The following UBP1 variants were observed in gnomAD, a reference collection of about 807,000 sequenced individuals.
The protein encoded by UBP1 is upstream-binding protein 1.
A neutral mutation model predicts 76.1 loss-of-function variants in UBP1; 22 were observed. The observed-to-expected ratio is 0.29, with a 90% CI of 0.21 to 0.41. The LOEUF is 0.41. Among genes scored for constraint, UBP1 ranks in the 10% least tolerant of loss-of-function variants. UBP1 has a pLI of 1.00. For missense variants in UBP1, 436 were observed against 668.1 expected (o/e 0.65, Z 3.83); for synonymous variants, 224 against 237.1 (o/e 0.94, Z 0.51).
intron 8 of UBP1, 76 bp downstream of exon 8, chr3:33,408,614 G>T: frequency 8.2e-7 from 1 of 1,213,878 alleles, no homozygotes; most frequent in Non-Finnish European, 1.1e-6. Flanking sequence ...GCTTTACTTT[G>T]CGGTGGAAGT....
chr3:33,389,397 C>T lies in UBP1; in HGVS notation c.*934G>A, dbSNP rs2043663556. On this transcript the variant is annotated 3_prime_UTR_variant, in exon 16 of 16. Transcript: ENST00000283629. ...TAGTCAGAAGCTATCAACAATAATACTTTCTCCCCCTACTTGGGTCACCTA... is the reference window on the plus strand; with the variant it reads ...TAGTCAGAAGCTATCAACAATAATATTTTCTCCCCCTACTTGGGTCACCTA... The T allele has an allele frequency of 7.6e-6, 1 of 132,400 alleles. No individual in the cohort carries two copies. The highest frequency in any genetic ancestry group is 2.8e-5 in the African/African-American group (1 of 35,096). The allele number at this position is 132,400 out of a possible 1,614,324, so 8.2% of individuals were successfully genotyped here. A position where few individuals can be genotyped will look rare whatever the true frequency, so the allele number is the denominator to read the frequency against.
intron 1 of UBP1, among the ~76,000 whole-genome samples, chr3:33,430,793 G>A (rs1015773689): frequency 3.3e-5 from 5 of 152,086 alleles, no homozygotes; most frequent in Admixed American, 6.6e-5. Context: ...CATGCCTCCA[G>A]CAACAAGCCC....
intron 14 of UBP1, 149 bp downstream of exon 14, chr3:33,393,163 A>ATAAG: frequency 1.1e-6 from 1 of 893,594 alleles, no homozygotes. Flanking sequence ...ACTCTTGGTT[A>ATAAG]TAAGTTCTTC....
intron 4 of UBP1, among the ~76,000 whole-genome samples, chr3:33,412,362 T>TATAC (rs1423180623): frequency 6.6e-6 from 1 of 151,926 alleles, no homozygotes; most frequent in South Asian, 2.1e-4. Flanking sequence ...AAATAATGTA[T>TATAC]ATACATACAT....
In UBP1 at chr3:33,439,908, G is replaced by C. The variant is rs2272153; in HGVS notation, c.-60C>G. On this transcript the variant is annotated 5_prime_UTR_variant, in exon 1 of 16. Coordinates refer to ENST00000283629, the MANE Select transcript of UBP1 (RefSeq NM_014517.5). ...CTCCGCGTCCAGGGCGAAGGAGCCGGAGCTCCGCTGGCGCGTCCTGGGGGA... is the reference window on the plus strand; with the variant it reads ...CTCCGCGTCCAGGGCGAAGGAGCCGCAGCTCCGCTGGCGCGTCCTGGGGGA... 0.2 allele frequency: 315,117 copies of C among 1,588,654 alleles called. 36,769 individuals are homozygous for C. Among genetic ancestry groups the C allele is most frequent in the East Asian group, 0.44 (19,441 of 43,834 alleles).
At position 33,389,816 on chromosome 3, in the gene UBP1, C is replaced by T. The variant is rs1416645614; in HGVS notation, c.*515G>A. 6.5e-6 allele frequency: 1 copy of T among 154,232 alleles called. No homozygotes were observed. The highest frequency in any genetic ancestry group is 1.4e-5 in the Non-Finnish European group (1 of 68,976). 9.6% of individuals were successfully genotyped at this position (154,232 alleles called of 1,614,324 possible). ...GATTTCTTCCAAGAAGGTGCCGAGCCTCTTACCTGACCACCAACGGCCACA... is the reference window on the plus strand; with the variant it reads ...GATTTCTTCCAAGAAGGTGCCGAGCTTCTTACCTGACCACCAACGGCCACA... On this transcript the variant is annotated 3_prime_UTR_variant, in exon 16 of 16. Transcript: ENST00000283629.
intron 2 of UBP1, among the ~76,000 whole-genome samples, chr3:33,417,753 G>A (rs572969763): frequency 1.3e-5 from 2 of 152,270 alleles, no homozygotes; most frequent in Admixed American, 1.3e-4. Context: ...CAGAAAATCA[G>A]TAAAAATTAA....
At chr3:33,408,559 A>T in intron 8 of UBP1, 131 bp downstream of exon 8, 1 of 656,942 alleles carries the variant, frequency 1.5e-6, no homozygotes, top group Non-Finnish European at 2.5e-6. Flanking sequence ...GGAAGTCTAA[A>T]CAAAAGCAAA....
chr3:33,429,431 C>T (rs968035796), intron 1 of UBP1, among the ~76,000 whole-genome samples: 1 of 151,850 alleles, frequency 6.6e-6, no homozygotes, highest in Non-Finnish European at 1.5e-5. Flanking sequence ...TCACTACAGC[C>T]TCAACCTCCC....
intron 13 of UBP1, 37 bp downstream of exon 13, chr3:33,396,125 T>A (rs2043982803): frequency 6.6e-7 from 1 of 1,505,764 alleles, no homozygotes. Flanking sequence ...TCTGACAGTC[T>A]CAGAAGTGAC....
chr3:33,395,131 A>G (rs1224845652), intron 13 of UBP1, among the ~76,000 whole-genome samples: 3 of 152,160 alleles, frequency 2.0e-5, no homozygotes, highest in African/African-American at 7.2e-5. Flanking sequence ...GATCTCCTTT[A>G]AATTTTTATC....
Position 33,390,345 on chromosome 3 carries a change from T to C in UBP1, c.1609A>G (p.Ile537Val). ...VKAESSDGIH[I>V]ILK ...TATATAAGACATCACTTCAAAATTA[T>C]GTGGATGCCATCACTACTTTCAGCT... The change falls in exon 16 of 16, where the codon ATA becomes GTA. Residue 537 changes from isoleucine (I) to valine (V), a missense_variant. By Grantham distance (29) the Ile-to-Val change is conservative. Transcript: ENST00000283629. 9 of 1,614,182 alleles carry C rather than the reference T, an allele frequency of 5.6e-6. No homozygotes were observed. Among genetic ancestry groups the C allele is most frequent in the Non-Finnish European group, 7.6e-6 (9 of 1,179,992 alleles).
chr3:33,418,699 A>C (rs867711471), intron 2 of UBP1, among the ~76,000 whole-genome samples: 6 of 151,788 alleles, frequency 4.0e-5, no homozygotes, highest in Non-Finnish European at 5.9e-5. Flanking sequence ...TCTCTACTAA[A>C]AATACAAAAA....
Position 33,411,630 on chromosome 3 carries a change from G to A in UBP1, c.506C>T (p.Ala169Val), listed in dbSNP as rs760848453. 3.2e-5 allele frequency: 52 copies of A among 1,613,940 alleles called. No individual in the cohort carries two copies. Among genetic ancestry groups the A allele is most frequent in the Non-Finnish European group, 4.2e-5 (49 of 1,179,980 alleles). Residue 169 changes from alanine to valine, a missense_variant, in exon 5 of 16, where the codon GCG becomes GTG. Physicochemically the swap from Ala to Val is moderately conservative, Grantham distance 64 (BLOSUM62 0). Around this residue, in one of 3 missense-constraint regions of UBP1, gnomAD observed 161 missense variants for 237.9 expected, o/e 0.68. Coordinates refer to ENST00000283629, the MANE Select transcript of UBP1 (RefSeq NM_014517.5). ...TGCTGGGTCCCACAGAAATTCAACC[G>A]CATTTAACTGGCTTGGATTCGTCCT... ...DTRTNPSQLNAVEFLWDPAKR... is the reference protein window; with the variant it reads ...DTRTNPSQLNVVEFLWDPAKR...
intron 1 of UBP1, among the ~76,000 whole-genome samples, chr3:33,431,027 A>C (rs1276256276): frequency 1.3e-5 from 2 of 152,210 alleles, no homozygotes; most frequent in African/African-American, 4.8e-5. Context: ...AGTATCTGGA[A>C]GGAACAGGAA....
At chr3:33,410,887 T>C (rs983681258) in intron 5 of UBP1, among the ~76,000 whole-genome samples, 5 of 151,674 alleles carry the variant, frequency 3.3e-5, no homozygotes, top group African/African-American at 4.8e-5. Context: ...GTCTGGCCAA[T>C]ATGGTGAAAC....
chr3:33,390,308 T>A lies in UBP1; in HGVS notation c.*23A>T. The A allele has an allele frequency of 6.2e-7, 1 of 1,606,838 alleles. No homozygotes were observed. Among genetic ancestry groups the A allele is most frequent in the African/African-American group, 1.3e-5 (1 of 74,926 alleles). On this transcript the variant is annotated 3_prime_UTR_variant, in exon 16 of 16. Coordinates refer to ENST00000283629, the MANE Select transcript of UBP1 (RefSeq NM_014517.5). ...TTAAGCGTGACTATTTGGTACTGAATACAGTTCAGTCTATATAAGACATCA... is the reference window on the plus strand; with the variant it reads ...TTAAGCGTGACTATTTGGTACTGAAAACAGTTCAGTCTATATAAGACATCA...
rs368339142 is a variant in UBP1, at chr3:33,402,006, CAG to C, written c.1031+793_1031+794del. Reference sequence around the variant, plus strand: ...TGCCTTCTCAGTTTATCCATCTCCTCAGGGGGAGAGCACATTTTTGCTTGCTT... The same window carrying C: ...TGCCTTCTCAGTTTATCCATCTCCTCGGGGAGAGCACATTTTTGCTTGCTT... On this transcript the variant is annotated intron_variant, in intron 9 of 15. Transcript: ENST00000283629. Among the ~76,000 whole-genome samples, 84 of 151,970 alleles carry C rather than the reference CAG, an allele frequency of 5.5e-4. 1 individual carries two copies. Among genetic ancestry groups the C allele is most frequent in the African/African-American group, 1.9e-3 (80 of 41,538 alleles).
At chr3:33,406,198 G>C (rs986289217) in intron 8 of UBP1, among the ~76,000 whole-genome samples, 1 of 152,180 alleles carries the variant, frequency 6.6e-6, no homozygotes, top group African/African-American at 2.4e-5. Context: ...AGGACTGCTT[G>C]AGGAGATTGA....
Sources: allele counts gnomAD v4.1 joint callset (sites outside exome capture counted in the v4.1 genomes callset), GRCh38; gene constraint gnomAD v4.1.1; regional missense constraint gnomAD v4.1.1; transcripts MANE v1.5; gene names NCBI Gene and HGNC (gene_info 2026-07-23, HGNC 2026-07-21).